VPS39: variants seen among roughly 807,000 people sequenced by gnomAD.
VPS39 encodes vam6/Vps39-like protein.
Under a neutral mutation model 121.0 loss-of-function variants are expected in VPS39, and 70 were observed. The observed-to-expected ratio is 0.58, with a 90% CI of 0.48 to 0.71. VPS39 has a LOEUF of 0.71. Among genes scored for constraint, VPS39 ranks in the 30% least tolerant of loss-of-function variants. The pLI, the probability that VPS39 is intolerant of heterozygous loss-of-function variation, is 0.00. For missense variants in VPS39, 818 were observed against 1,051.5 expected, an observed-to-expected ratio of 0.78 and a Z score of 3.07; for synonymous variants, 378 against 398.1, an observed-to-expected ratio of 0.95 and a Z score of 0.60.
intron 1 of VPS39, among the ~76,000 whole-genome samples, chr15:42,205,215 G>T (rs1595691367): frequency 6.6e-6 from 1 of 152,216 alleles, no homozygotes; most frequent in East Asian, 1.9e-4. Context: ...TGCCCTGAGG[G>T]AACTTATATT....
At chr15:42,183,249 T>C (rs2140866873) in intron 8 of VPS39, among the ~76,000 whole-genome samples, 1 of 151,292 alleles carries the variant, frequency 6.6e-6, no homozygotes, top group East Asian at 1.9e-4. Context: ...AGGCACACAC[T>C]GCCACACTCA....
At position 42,160,655 on chromosome 15, in the gene VPS39, C is replaced by A; in HGVS notation, c.*99G>T. ...TAGCCAGTAATGTCCAAATGGGGAG[C>A]CTTGTGGTGGTGGCAGCCAGGATTC... On this transcript the variant is annotated 3_prime_UTR_variant, in exon 25 of 25. Coordinates refer to ENST00000318006, the MANE Select transcript of VPS39 (RefSeq NM_015289.5). 1.9e-6 allele frequency: 2 copies of A among 1,041,408 alleles called. No homozygotes were observed. 64.5% of individuals were successfully genotyped at this position (1,041,408 alleles called of 1,614,324 possible).
At chr15:42,189,056 G>C in intron 5 of VPS39, 58 bp downstream of exon 5, 1 of 1,227,250 alleles carries the variant, frequency 8.1e-7, no homozygotes, top group Non-Finnish European at 1.2e-6. Flanking sequence ...TAGGAATGAT[G>C]TAGGAAAGAC....
intron 2 of VPS39, among the ~76,000 whole-genome samples, chr15:42,196,717 C>T (rs2049947974): frequency 6.6e-6 from 1 of 152,200 alleles, no homozygotes. Context: ...CGCTTTTACA[C>T]TGTTGGTGGG....
At chr15:42,189,677 C>G (rs949732458) in intron 4 of VPS39, among the ~76,000 whole-genome samples, 8 of 125,668 alleles carry the variant, frequency 6.4e-5, no homozygotes, top group Non-Finnish European at 1.3e-4. Flanking sequence ...TGCAGTGAGC[C>G]AGGGCTGCAC....
At chr15:42,198,347 C>T (rs571426766) in intron 2 of VPS39, among the ~76,000 whole-genome samples, 12 of 152,144 alleles carry the variant, frequency 7.9e-5, no homozygotes, top group African/African-American at 2.9e-4. Context: ...ATTTTGGCTC[C>T]GAGAACTAAA....
Position 42,189,096 on chromosome 15 carries a change from C to A in VPS39, c.342+18G>T, listed in dbSNP as rs777386803. Reference sequence around the variant, plus strand: ...TTGATTAAAGCATAAAGCCAAATTTCATCTTGGGTAAACTTACCTGGAGGT... The same window carrying A: ...TTGATTAAAGCATAAAGCCAAATTTAATCTTGGGTAAACTTACCTGGAGGT... On this transcript the variant is annotated intron_variant, in intron 5 of 24. Transcript: ENST00000318006. 6.3e-7 allele frequency: 1 copy of A among 1,595,480 alleles called. No homozygotes were observed. The highest frequency in any genetic ancestry group is 1.7e-5 in the Admixed American group (1 of 59,982).
At chr15:42,186,926 A>C (rs2049715584) in intron 7 of VPS39, among the ~76,000 whole-genome samples, 1 of 152,248 alleles carries the variant, frequency 6.6e-6, no homozygotes, top group Non-Finnish European at 1.5e-5. Flanking sequence ...TTAAGTTTAT[A>C]CTAAAATTAG....
chr15:42,187,877 C>A (rs1431840873), intron 5 of VPS39, 21 bp from the exon 6 acceptor site: 1 of 1,604,168 alleles, frequency 6.2e-7, no homozygotes, highest in East Asian at 2.2e-5. Flanking sequence ...ACATGCAGAG[C>A]AAATGAAAAT....
At position 42,167,375 on chromosome 15, in the gene VPS39, G is replaced by A. The variant is rs377051943; in HGVS notation, c.1377+19C>T. ...AGGGTAACTGGGAATTGTGGCACCC[G>A]AGCGCTCAGGTAACTCACATGGAGA... is the stretch of plus-strand genomic sequence containing the variant. On this transcript the variant is annotated intron_variant, in intron 13 of 24. Transcript: ENST00000318006. 1.7e-5 allele frequency: 27 copies of A among 1,613,296 alleles called. 1 individual carries two copies. In the East Asian group the frequency reaches 3.1e-4, roughly 19 times the overall value.
At chr15:42,177,689 C>A (rs2049484192) in intron 10 of VPS39, among the ~76,000 whole-genome samples, 1 of 150,468 alleles carries the variant, frequency 6.6e-6, no homozygotes, top group Non-Finnish European at 1.5e-5. Flanking sequence ...TTTTTTGAGA[C>A]AGAGTCTCGC....
Position 42,208,292 on chromosome 15 carries a change from C to T in VPS39, c.-139G>A, listed in dbSNP as rs2050221592. The T allele has an allele frequency of 6.3e-6, 7 of 1,103,994 alleles. No homozygotes were observed. In the East Asian group the frequency reaches 1.9e-4, roughly 29 times the overall value. The allele number at this position is 1,103,994 out of a possible 1,614,324, so 68.4% of individuals were successfully genotyped here. On this transcript the variant is annotated 5_prime_UTR_variant, in exon 1 of 25. The change abolishes an upstream ATG in the 5' untranslated region. Coordinates refer to ENST00000318006, the MANE Select transcript of VPS39 (RefSeq NM_015289.5). ...GCTACAGGCCCTTCAACAACACAGC[C>T]ATCGTCAACCCCGGACTTCCTGCTA...
Position 42,208,236 on chromosome 15 carries a change from G to T in VPS39, c.-83C>A, listed in dbSNP as rs1279377566. 1 of 1,514,062 alleles carries T rather than the reference G, an allele frequency of 6.6e-7. No individual in the cohort carries two copies. The highest frequency in any genetic ancestry group is 1.4e-5 in the African/African-American group (1 of 72,168). The allele number at this position is 1,514,062 out of a possible 1,614,324, so 93.8% of individuals were successfully genotyped here. ...GGGTCCGGAACGAGTCTGGGCTAAG[G>T]GTAGACCGGGATCCGGCCAGGAACC... On this transcript the variant is annotated 5_prime_UTR_variant, in exon 1 of 25. Coordinates refer to ENST00000318006, the MANE Select transcript of VPS39 (RefSeq NM_015289.5).
In VPS39 at chr15:42,184,386, TAAG is replaced by T. The variant is rs573563203; in HGVS notation, c.718+128_718+130del. 6,680 of 919,684 alleles carry T rather than the reference TAAG, an allele frequency of 7.3e-3. 41 individuals are homozygous for T. Among genetic ancestry groups the T allele is most frequent in the Non-Finnish European group, 8.4e-3 (5,473 of 650,136 alleles). The allele number at this position is 919,684 out of a possible 1,614,324, so 57.0% of individuals were successfully genotyped here. A position where few individuals can be genotyped will look rare whatever the true frequency, so the allele number is the denominator to read the frequency against. On this transcript the variant is annotated intron_variant, in intron 8 of 24. Coordinates refer to ENST00000318006, the MANE Select transcript of VPS39 (RefSeq NM_015289.5). ...ATGACCCTAAAATGTCATCTACTTA[TAAG>T]AAGGGGAACTGAAAGTGAATGACAC...
rs2049107323 is a variant in VPS39, at chr15:42,160,500, C to G, written c.*254G>C. 2.0e-6 allele frequency: 1 copy of G among 491,898 alleles called. No individual in the cohort carries two copies. The highest frequency in any genetic ancestry group is 3.2e-5 in the Admixed American group (1 of 31,168). The allele number at this position is 491,898 out of a possible 1,614,324, so 30.5% of individuals were successfully genotyped here. On this transcript the variant is annotated 3_prime_UTR_variant, in exon 25 of 25. Coordinates refer to ENST00000318006, the MANE Select transcript of VPS39 (RefSeq NM_015289.5). ...GATGGTGCACATCCTCCTGACCAAG[C>G]AGGTACTGAATTCTCTGGAATTGCC...
intron 8 of VPS39, chr15:42,184,288 A>T: frequency 8.3e-6 from 3 of 360,096 alleles, no homozygotes; most frequent in Non-Finnish European, 1.5e-5. Context: ...TAAAATAAAC[A>T]TTTCTGTTTA....
At chr15:42,169,377 C>T (rs141019096) in intron 12 of VPS39, among the ~76,000 whole-genome samples, 672 of 152,304 alleles carry the variant, frequency 4.4e-3, no homozygotes, top group Middle Eastern at 0.034. Flanking sequence ...GTTCCACATA[C>T]AGGAGGCATT....
intron 10 of VPS39, 124 bp from the exon 11 acceptor site, chr15:42,173,976 G>C (rs1031237845): frequency 8.8e-7 from 1 of 1,132,310 alleles, no homozygotes; most frequent in Non-Finnish European, 1.2e-6. Context: ...GGCCGGGCGC[G>C]GTGCCTCACG....
chr15:42,178,638 GC>G (rs1219240938), intron 8 of VPS39, 68 bp from the exon 9 acceptor site: 2 of 1,589,982 alleles, frequency 1.3e-6, no homozygotes, highest in African/African-American at 2.7e-5. Flanking sequence ...TGTTTCAGCT[GC>G]CCATTCTAAG....
Sources: allele counts gnomAD v4.1 joint callset (sites outside exome capture counted in the v4.1 genomes callset), GRCh38; gene constraint gnomAD v4.1.1; transcripts MANE v1.5; gene names NCBI Gene and HGNC (gene_info 2026-07-23, HGNC 2026-07-21).